Variants in GRIN2B observed in about 807,000 individuals in gnomAD.
The protein encoded by GRIN2B is glutamate receptor ionotropic, NMDA 2B.
GRIN2B carries 5 observed loss-of-function variants against 114.5 expected under a neutral mutation model. The observed-to-expected ratio is 0.04, with a 90% CI of 0.02 to 0.09. GRIN2B has a LOEUF of 0.09. Ranked by LOEUF, GRIN2B falls within the 10% of genes least tolerant of loss-of-function variation. The probability of loss-of-function intolerance (pLI) is 1.00; values close to 1 mark genes in which losing one functional copy is unlikely to be tolerated. For synonymous variants in GRIN2B, 787 were observed against 745.1 expected (o/e 1.06, Z -0.92); for missense variants, 1,108 against 1,943.5 (o/e 0.57, Z 8.08).
chr12:13,887,821 G>T (rs1866191587), intron 2 of GRIN2B, among the ~76,000 whole-genome samples: 1 of 152,210 alleles, frequency 6.6e-6, no homozygotes, highest in Admixed American at 6.5e-5. Context: ...TACTTCTGAA[G>T]CTTGCTTTGC....
intron 10 of GRIN2B, among the ~76,000 whole-genome samples, chr12:13,592,046 A>G (rs1949015343): frequency 6.6e-6 from 1 of 152,248 alleles, no homozygotes; most frequent in African/African-American, 2.4e-5. Context: ...CTGGAAAGAC[A>G]TAATTATTGA....
chr12:13,629,111 A>T (rs1041423545), intron 5 of GRIN2B, among the ~76,000 whole-genome samples: 2 of 152,242 alleles, frequency 1.3e-5, no homozygotes, highest in African/African-American at 4.8e-5. Context: ...TTCATAGAAC[A>T]GTTTCCTCAC....
chr12:13,956,397 G>A (rs1256996448), intron 2 of GRIN2B, among the ~76,000 whole-genome samples: 1 of 152,188 alleles, frequency 6.6e-6, no homozygotes, highest in Admixed American at 6.5e-5. Context: ...ACAACTCGTG[G>A]CAATTTGAGT....
chr12:13,941,749 GA>G (rs1867258753), intron 2 of GRIN2B, among the ~76,000 whole-genome samples: 1 of 152,320 alleles, frequency 6.6e-6, no homozygotes, highest in African/African-American at 2.4e-5. Context: ...AAGGACAAAT[GA>G]AAAGTGTCAC....
intron 2 of GRIN2B, among the ~76,000 whole-genome samples, chr12:13,927,464 G>A (rs1866937883): frequency 6.6e-6 from 1 of 152,098 alleles, no homozygotes; most frequent in South Asian, 2.1e-4. Context: ...CCCTTGTAGT[G>A]CAAAAGCAGC....
chr12:13,950,672 G>C (rs1183066896), intron 2 of GRIN2B, among the ~76,000 whole-genome samples: 1 of 152,200 alleles, frequency 6.6e-6, no homozygotes, highest in Non-Finnish European at 1.5e-5. Flanking sequence ...GTGCTGAGAT[G>C]CCTCAGATTC....
At chr12:13,655,302 C>A (rs1949852382) in intron 5 of GRIN2B, among the ~76,000 whole-genome samples, 1 of 152,160 alleles carries the variant, frequency 6.6e-6, no homozygotes, top group African/African-American at 2.4e-5. Flanking sequence ...CCTACCTCAT[C>A]CCAGAATAGA....
intron 2 of GRIN2B, among the ~76,000 whole-genome samples, chr12:13,936,001 C>T (rs573025594): frequency 2.0e-5 from 3 of 152,120 alleles, no homozygotes; most frequent in Non-Finnish European, 4.4e-5. Context: ...ACAGTGGCTG[C>T]ACTGTGCTGA....
chr12:13,665,376 C>G (rs1390738421), intron 5 of GRIN2B, among the ~76,000 whole-genome samples: 1 of 152,140 alleles, frequency 6.6e-6, no homozygotes, highest in Admixed American at 6.6e-5. Context: ...ACCCCAGATG[C>G]TGGACCATTT....
chr12:13,944,718 C>T (rs770747122), intron 2 of GRIN2B, among the ~76,000 whole-genome samples: 1 of 152,148 alleles, frequency 6.6e-6, no homozygotes, highest in Non-Finnish European at 1.5e-5. Context: ...GGGACGTGAA[C>T]CCATAACTGA....
rs188414208 is a variant in GRIN2B, at chr12:13,560,332, A to T, written c.*2451T>A. The T allele has an allele frequency of 1.3e-5, 2 of 151,950 alleles. No individual in the cohort carries two copies. Among genetic ancestry groups the T allele is most frequent in the East Asian group, 1.9e-4 (1 of 5,176 alleles). The allele number at this position is 151,950 out of a possible 1,614,324, so 9.4% of individuals were successfully genotyped here. ...TCCCTCTCATTCCCATCACCACCCC[A>T]CTCCCTCCAGCCCAACACCCTGAAT... On this transcript the variant is annotated 3_prime_UTR_variant, in exon 14 of 14. Transcript: ENST00000609686.
intron 2 of GRIN2B, among the ~76,000 whole-genome samples, chr12:13,935,728 T>C (rs1163039903): frequency 6.6e-6 from 1 of 152,208 alleles, no homozygotes; most frequent in Non-Finnish European, 1.5e-5. Flanking sequence ...CAATAAATGC[T>C]AACTATTATT....
intron 3 of GRIN2B, among the ~76,000 whole-genome samples, chr12:13,854,938 C>G (rs550185754): frequency 2.6e-5 from 4 of 151,534 alleles, no homozygotes; most frequent in African/African-American, 9.7e-5. Context: ...AGGCCAGGCA[C>G]AGTGGCTCAC....
chr12:13,755,380 A>G (rs1386100734), intron 3 of GRIN2B, among the ~76,000 whole-genome samples: 1 of 152,198 alleles, frequency 6.6e-6, no homozygotes, highest in East Asian at 1.9e-4. Context: ...ATTTGTTCTC[A>G]CAGCTTGAAC....
At chr12:13,595,036 T>C (rs1949054982) in intron 10 of GRIN2B, among the ~76,000 whole-genome samples, 1 of 152,192 alleles carries the variant, frequency 6.6e-6, no homozygotes, top group African/African-American at 2.4e-5. Context: ...CCCTTTTTGA[T>C]TACCTGGGTT....
At chr12:13,794,609 A>G (rs759908650) in intron 3 of GRIN2B, among the ~76,000 whole-genome samples, 18 of 152,214 alleles carry the variant, frequency 1.2e-4, no homozygotes, top group Non-Finnish European at 2.5e-4. Context: ...AAATCCCTCT[A>G]CAGTTGTCTG....
At chr12:13,641,076 T>C (rs1009738883) in intron 5 of GRIN2B, among the ~76,000 whole-genome samples, 1 of 149,554 alleles carries the variant, frequency 6.7e-6, no homozygotes, top group Non-Finnish European at 1.5e-5. Flanking sequence ...ATCATGCTTA[T>C]TATTATTATT....
intron 2 of GRIN2B, among the ~76,000 whole-genome samples, chr12:13,969,007 T>G (rs1867835372): frequency 6.6e-6 from 1 of 152,182 alleles, no homozygotes; most frequent in Non-Finnish European, 1.5e-5. Context: ...AGTCTTCAGG[T>G]TCAGAGTTGA....
intron 5 of GRIN2B, among the ~76,000 whole-genome samples, chr12:13,622,335 C>T (rs1949525805): frequency 6.6e-6 from 1 of 152,132 alleles, no homozygotes. Flanking sequence ...AAGGAAGAGG[C>T]AGAGTCTCTG....
Sources: gnomAD v4.1 joint callset for allele counts (sites outside exome capture counted in the v4.1 genomes callset) on GRCh38, gnomAD v4.1.1 for gene constraint, MANE v1.5 for transcripts, NCBI Gene and HGNC (gene_info 2026-07-23, HGNC 2026-07-21) for gene names.